SEMA3A: variants seen among roughly 807,000 people sequenced by gnomAD.
SEMA3A encodes the protein semaphorin-3A.
SEMA3A carries 29 observed loss-of-function variants against 97.9 expected under a neutral mutation model. The observed-to-expected ratio is 0.30, with a 90% CI of 0.22 to 0.40. The LOEUF is 0.40. Among genes scored for constraint, SEMA3A ranks in the 10% least tolerant of loss-of-function variants. The probability of loss-of-function intolerance (pLI) is 1.00; values close to 1 mark genes in which losing one functional copy is unlikely to be tolerated. For missense variants in SEMA3A, 763 were observed against 951.3 expected (o/e 0.80, Z 2.60); for synonymous variants, 321 against 323.7 (o/e 0.99, Z 0.09).
At chr7:84,450,720 A>T (rs1805533450) in intron 1 of SEMA3A, among the ~76,000 whole-genome samples, 1 of 152,164 alleles carries the variant, frequency 6.6e-6, no homozygotes, top group South Asian at 2.1e-4. Context: ...TAACAGGTGT[A>T]AAATATCTCA....
chr7:84,225,871 G>T (rs1214293166), intron 3 of SEMA3A, among the ~76,000 whole-genome samples: 1 of 152,114 alleles, frequency 6.6e-6, no homozygotes, highest in African/African-American at 2.4e-5. Context: ...TTTACAAGCA[G>T]TTGCATGAAG....
intron 15 of SEMA3A, among the ~76,000 whole-genome samples, chr7:83,966,394 T>C (rs1201057468): frequency 1.3e-5 from 2 of 152,298 alleles, no homozygotes; most frequent in African/African-American, 2.4e-5. Context: ...CTTTCTCACC[T>C]AAATAAGGCA....
chr7:84,208,920 A>C (rs1002721361), intron 3 of SEMA3A, among the ~76,000 whole-genome samples: 2 of 152,226 alleles, frequency 1.3e-5, no homozygotes, highest in African/African-American at 4.8e-5. Context: ...CCAGCATTGG[A>C]TACTGTGTAT....
intron 6 of SEMA3A, among the ~76,000 whole-genome samples, chr7:84,038,844 T>G (rs1792033750): frequency 6.6e-6 from 1 of 152,174 alleles, no homozygotes; most frequent in African/African-American, 2.4e-5. Flanking sequence ...AATTTAGCCT[T>G]GGCTATTGTT....
chr7:84,150,607 T>C (rs146955780), intron 1 of SEMA3A, among the ~76,000 whole-genome samples: 7,619 of 152,200 alleles, frequency 0.05, 292 homozygotes, highest in Non-Finnish European at 0.077. Context: ...GGAGTCTCGC[T>C]GATTGCTAGC....
intron 3 of SEMA3A, among the ~76,000 whole-genome samples, chr7:84,278,406 C>T (rs532001377): frequency 6.6e-6 from 1 of 152,260 alleles, no homozygotes; most frequent in South Asian, 2.1e-4. Context: ...TCAACCTCTG[C>T]CTGTTATCCA....
At chr7:84,346,743 G>T (rs543701896) in intron 2 of SEMA3A, among the ~76,000 whole-genome samples, 1 of 152,076 alleles carries the variant, frequency 6.6e-6, no homozygotes, top group African/African-American at 2.4e-5. Flanking sequence ...TATAATAATA[G>T]GGAAAAACTT....
intron 12 of SEMA3A, among the ~76,000 whole-genome samples, chr7:83,998,135 A>C (rs1343802651): frequency 6.6e-6 from 1 of 152,058 alleles, no homozygotes; most frequent in Non-Finnish European, 1.5e-5. Context: ...AATCTAATAG[A>C]TATTAAGTAC....
rs1460104047 is a variant in SEMA3A at position 84,143,943 on chromosome 7, T to TAACA, written c.113-8993_113-8992insTGTT. Among the ~76,000 whole-genome samples, 786 of 126,668 alleles carry TAACA rather than the reference T, an allele frequency of 6.2e-3. 3 individuals are homozygous for TAACA. The highest frequency in any genetic ancestry group is 0.016 in the East Asian group (62 of 3,914). The allele number at this position is 126,668 out of a possible 152,430, so 83.1% of individuals were successfully genotyped here. A position where few individuals can be genotyped will look rare whatever the true frequency, so the allele number is the denominator to read the frequency against. ...TAATCTCTCTCTCTCTCTCTCTCTC[T>TAACA]CTCTCTAACACACACACACACACAC... On this transcript the variant is annotated intron_variant, in intron 1 of 16. Transcript: ENST00000265362.
chr7:84,172,126 A>G (rs559487813), intron 1 of SEMA3A, among the ~76,000 whole-genome samples: 2 of 152,330 alleles, frequency 1.3e-5, no homozygotes, highest in East Asian at 3.9e-4. Flanking sequence ...TTAGTATTAA[A>G]TAGACCTTCG....
At chr7:83,996,655 AC>A (rs1442120856) in intron 12 of SEMA3A, among the ~76,000 whole-genome samples, 1 of 151,620 alleles carries the variant, frequency 6.6e-6, no homozygotes, top group African/African-American at 2.4e-5. Flanking sequence ...ATTTATAATC[AC>A]AGTCTTTACT....
chr7:83,994,671 G>A lies in SEMA3A; in HGVS notation c.1452+7284C>T, dbSNP rs1044124412. 8.6e-4 allele frequency among the ~76,000 whole-genome samples: 127 copies of A among 148,200 alleles called. 1 individual carries two copies. The highest frequency in any genetic ancestry group is 3.4e-3 in the Middle Eastern group (1 of 292). Reference sequence around the variant, plus strand: ...ACCCACTTGAGGAGGCAGTCTGCCCGTTCTCAGATCTCCAGCTGCGTGCTG... The same window carrying A: ...ACCCACTTGAGGAGGCAGTCTGCCCATTCTCAGATCTCCAGCTGCGTGCTG... On this transcript the variant is annotated intron_variant, in intron 12 of 16. Coordinates refer to ENST00000265362, the MANE Select transcript of SEMA3A (RefSeq NM_006080.3).
Position 83,961,090 on chromosome 7 carries a change from GAC to G in SEMA3A, c.*279_*280del. The G allele has an allele frequency of 2.6e-6, 1 of 388,378 alleles. No individual in the cohort carries two copies. The highest frequency in any genetic ancestry group is 3.1e-5 in the South Asian group (1 of 32,470). 24.1% of individuals were successfully genotyped at this position (388,378 alleles called of 1,614,324 possible). A position where few individuals can be genotyped will look rare whatever the true frequency, so the allele number is the denominator to read the frequency against. Reference sequence around the variant, plus strand: ...TTTTATTTCTCAGGCAAAGAAGAAAGACAAACCTGTACAGTGAAATCTCATAG... The same window carrying G: ...TTTTATTTCTCAGGCAAAGAAGAAAGAAACCTGTACAGTGAAATCTCATAG... On this transcript the variant is annotated 3_prime_UTR_variant, in exon 17 of 17. Coordinates refer to ENST00000265362, the MANE Select transcript of SEMA3A (RefSeq NM_006080.3).
At chr7:84,000,489 T>TAAAATTATATTAACAATGACA (rs1276671343) in intron 12 of SEMA3A, among the ~76,000 whole-genome samples, 1 of 152,150 alleles carries the variant, frequency 6.6e-6, no homozygotes, top group Non-Finnish European at 1.5e-5. Context: ...ACTAAAATAA[T>TAAAATTATATTAACAATGACA]AAAATTATAT....
intron 2 of SEMA3A, among the ~76,000 whole-genome samples, chr7:84,334,965 T>C (rs995284261): frequency 1.3e-5 from 2 of 152,130 alleles, no homozygotes; most frequent in Non-Finnish European, 2.9e-5. Flanking sequence ...TGATTTTATC[T>C]TGACATTTTT....
At chr7:84,057,797 G>A (rs900405694) in intron 5 of SEMA3A, among the ~76,000 whole-genome samples, 13 of 147,706 alleles carry the variant, frequency 8.8e-5, no homozygotes, top group African/African-American at 3.3e-4. Context: ...AATAAAGACT[G>A]GAGCAAATTC....
chr7:84,411,561 G>A (rs1300244552), intron 1 of SEMA3A, among the ~76,000 whole-genome samples: 2 of 119,366 alleles, frequency 1.7e-5, no homozygotes, highest in Non-Finnish European at 1.7e-5. Flanking sequence ...TGACATTTGG[G>A]TATAATTATA....
At chr7:84,128,693 G>T (rs969340943) in intron 3 of SEMA3A, among the ~76,000 whole-genome samples, 1 of 152,086 alleles carries the variant, frequency 6.6e-6, no homozygotes, top group South Asian at 2.1e-4. Context: ...AAAAATAGAT[G>T]ACAGAGTAAT....
Position 84,055,173 on chromosome 7 carries a change from C to T in SEMA3A, c.547+5292G>A, listed in dbSNP as rs1332782563. Among the ~76,000 whole-genome samples the T allele has an allele frequency of 2.6e-5, 4 of 152,238 alleles. No individual in the cohort carries two copies. The East Asian group carries it at 5.8e-4, about 22-fold the overall frequency. On this transcript the variant is annotated intron_variant, in intron 5 of 16. Coordinates refer to ENST00000265362, the MANE Select transcript of SEMA3A (RefSeq NM_006080.3). ...TGTCTTTTTGTTTGTCTGTGCCCTG[C>T]CCCCAGAGGTGGAGCCTACAGAGGC...
Sources: allele counts gnomAD v4.1 joint callset (sites outside exome capture counted in the v4.1 genomes callset), GRCh38; gene constraint gnomAD v4.1.1; transcripts MANE v1.5; gene names NCBI Gene and HGNC (gene_info 2026-07-23, HGNC 2026-07-21).